ASTN2: variants seen among roughly 807,000 people sequenced by gnomAD.
ASTN2 encodes astrotactin 2.
ASTN2 carries 54 observed loss-of-function variants against 139.8 expected under a neutral mutation model. The observed-to-expected ratio is 0.39, with a 90% CI of 0.31 to 0.48. The LOEUF is 0.48. Ranked by LOEUF, ASTN2 falls within the 20% of genes least tolerant of loss-of-function variation. The pLI is 0.95. For missense variants in ASTN2, 1,565 were observed against 1,725.1 expected, an observed-to-expected ratio of 0.91 and a Z score of 1.64; for synonymous variants, 756 against 719.5, an observed-to-expected ratio of 1.05 and a Z score of -0.81.
chr9:116,783,510 A>C (rs1240676690), intron 13 of ASTN2, among the ~76,000 whole-genome samples: 1 of 152,172 alleles, frequency 6.6e-6, no homozygotes, highest in Non-Finnish European at 1.5e-5. Context: ...GTGAGCATCT[A>C]CTATGCATCT....
chr9:116,514,059 G>A (rs1342891234), intron 19 of ASTN2, among the ~76,000 whole-genome samples: 2 of 151,878 alleles, frequency 1.3e-5, no homozygotes, highest in Non-Finnish European at 2.9e-5. Context: ...GCGTTCCTTT[G>A]GAGGTGGAGA....
At chr9:117,082,902 T>A (rs923400088) in intron 5 of ASTN2, among the ~76,000 whole-genome samples, 3 of 152,228 alleles carry the variant, frequency 2.0e-5, no homozygotes, top group African/African-American at 7.2e-5. Context: ...ATGCCATTTT[T>A]TAGAGCTTGG....
chr9:117,119,343 A>G (rs1023820443), intron 4 of ASTN2, among the ~76,000 whole-genome samples: 18 of 152,218 alleles, frequency 1.2e-4, no homozygotes, highest in African/African-American at 2.4e-4. Flanking sequence ...CTATTTCCCA[A>G]TTGCTTCTGA....
intron 19 of ASTN2, among the ~76,000 whole-genome samples, chr9:116,553,254 TCGGA>T: frequency 6.6e-6 from 1 of 152,228 alleles, no homozygotes; most frequent in Middle Eastern, 3.4e-3. Flanking sequence ...CGATAATCAC[TCGGA>T]CCTCACTTCA....
chr9:116,964,544 T>C (rs779368063), intron 10 of ASTN2, among the ~76,000 whole-genome samples: 1 of 152,058 alleles, frequency 6.6e-6, no homozygotes, highest in Non-Finnish European at 1.5e-5. Context: ...CAGCAGAAGG[T>C]AGATTCCATC....
intron 1 of ASTN2, among the ~76,000 whole-genome samples, chr9:117,301,546 C>T (rs755340044): frequency 2.6e-5 from 4 of 152,172 alleles, no homozygotes; most frequent in Non-Finnish European, 4.4e-5. Context: ...CCCTGATTCA[C>T]AGATTCCAAA....
chr9:117,313,874 C>T (rs1828053917), intron 1 of ASTN2, among the ~76,000 whole-genome samples: 1 of 152,180 alleles, frequency 6.6e-6, no homozygotes, highest in African/African-American at 2.4e-5. Flanking sequence ...ACCTTTCTTT[C>T]TCAACCTTCT....
chr9:116,492,487 A>G (rs1231775136), intron 19 of ASTN2, among the ~76,000 whole-genome samples: 2 of 152,198 alleles, frequency 1.3e-5, no homozygotes. Context: ...ACTGAAGATC[A>G]GAGAAGGACA....
At chr9:116,782,903 C>G (rs1830257869) in intron 13 of ASTN2, among the ~76,000 whole-genome samples, 1 of 152,174 alleles carries the variant, frequency 6.6e-6, no homozygotes, top group Admixed American at 6.5e-5. Flanking sequence ...ATACCTAACA[C>G]TGCACGGGTC....
At chr9:117,412,364 G>C (rs987280113) in intron 1 of ASTN2, among the ~76,000 whole-genome samples, 20 of 152,164 alleles carry the variant, frequency 1.3e-4, no homozygotes, top group Non-Finnish European at 2.1e-4. Flanking sequence ...GTGCATCAGA[G>C]GAGGGGGAAG....
chr9:117,407,204 G>C (rs546904776), intron 1 of ASTN2, among the ~76,000 whole-genome samples: 1 of 152,308 alleles, frequency 6.6e-6, no homozygotes, highest in African/African-American at 2.4e-5. Flanking sequence ...AGGGTTCTTA[G>C]TAAAGGACAA....
At chr9:117,277,771 C>T (rs1006296974) in intron 2 of ASTN2, among the ~76,000 whole-genome samples, 2 of 152,126 alleles carry the variant, frequency 1.3e-5, no homozygotes, top group African/African-American at 4.8e-5. Context: ...ATTTTAGTCT[C>T]CTCCTAGGTG....
chr9:117,077,953 G>A (rs186303565), intron 5 of ASTN2, among the ~76,000 whole-genome samples: 154 of 152,278 alleles, frequency 1.0e-3, no homozygotes, highest in Admixed American at 3.0e-3. Flanking sequence ...AAGCAGACAA[G>A]AACTCTGACA....
At chr9:116,989,038 C>T (rs574660614) in intron 7 of ASTN2, among the ~76,000 whole-genome samples, 1 of 152,244 alleles carries the variant, frequency 6.6e-6, no homozygotes, top group African/African-American at 2.4e-5. Context: ...CTGAACAAAA[C>T]CTGAAACAGC....
intron 20 of ASTN2, among the ~76,000 whole-genome samples, chr9:116,459,030 G>C (rs1848410208): frequency 6.6e-6 from 1 of 152,000 alleles, no homozygotes; most frequent in South Asian, 2.1e-4. Flanking sequence ...TGGTAATCAA[G>C]ACTGTGAGAC....
At chr9:117,042,367 G>C (rs1838603173) in intron 5 of ASTN2, among the ~76,000 whole-genome samples, 1 of 152,116 alleles carries the variant, frequency 6.6e-6, no homozygotes, top group Non-Finnish European at 1.5e-5. Context: ...CTGGAACCCA[G>C]AAGTTACTTA....
chr9:117,404,667 A>G (rs1455209339), intron 1 of ASTN2, among the ~76,000 whole-genome samples: 1 of 152,202 alleles, frequency 6.6e-6, no homozygotes, highest in African/African-American at 2.4e-5. Context: ...AGCAGGAGTG[A>G]GAAGCAAGTT....
chr9:116,964,252 T>TGTGC (rs1554765666), intron 10 of ASTN2, among the ~76,000 whole-genome samples: 3 of 128,876 alleles, frequency 2.3e-5, no homozygotes, highest in Admixed American at 2.3e-4. Context: ...TGTGTGTGTG[T>TGTGC]GTGTGCGCGC....
chr9:116,687,017 A>G (rs1860263021), intron 16 of ASTN2: 2 of 1,393,896 alleles, frequency 1.4e-6, no homozygotes, highest in Non-Finnish European at 1.9e-6. Context: ...GAAGGGGTAG[A>G]CATTGAGACT....
Sources: gnomAD v4.1 joint callset for allele counts (sites outside exome capture counted in the v4.1 genomes callset) on GRCh38, gnomAD v4.1.1 for gene constraint, MANE v1.5 for transcripts, NCBI Gene and HGNC (gene_info 2026-07-23, HGNC 2026-07-21) for gene names.